Variants in ROR2 observed in about 807,000 individuals in gnomAD.
ROR2 encodes the protein tyrosine-protein kinase transmembrane receptor ROR2.
A neutral mutation model predicts 74.9 loss-of-function variants in ROR2; 33 were observed. The observed-to-expected ratio is 0.44, with a 90% confidence interval of 0.33 to 0.59. The LOEUF is 0.59. Among genes scored for constraint, ROR2 ranks in the 20% least tolerant of loss-of-function variants. The pLI, the probability that ROR2 is intolerant of heterozygous loss-of-function variation, is 0.02. For missense variants in ROR2, 1,216 were observed against 1,313.8 expected (o/e 0.93, Z 1.15); for synonymous variants, 586 against 558.7 (o/e 1.05, Z -0.69).
chr9:91,736,283 C>A (rs1337246046), intron 5 of ROR2, among the ~76,000 whole-genome samples: 1 of 152,196 alleles, frequency 6.6e-6, no homozygotes, highest in Non-Finnish European at 1.5e-5. Context: ...GCCAGGCAGT[C>A]TCTTCTGTGA....
chr9:91,776,925 A>T (rs1348260163), intron 1 of ROR2, among the ~76,000 whole-genome samples: 1 of 152,230 alleles, frequency 6.6e-6, no homozygotes, highest in Admixed American at 6.5e-5. Context: ...TCACTAGCCC[A>T]ATTTCCCTGT....
intron 1 of ROR2, chr9:91,886,996 C>G (rs1303091019): frequency 6.6e-6 from 1 of 152,130 alleles, no homozygotes; most frequent in Non-Finnish European, 1.5e-5. Context: ...TTCAAAAATC[C>G]CGAGTGAGGC....
intron 1 of ROR2, among the ~76,000 whole-genome samples, chr9:91,828,217 G>A (rs73651563): frequency 1.3e-5 from 2 of 152,228 alleles, no homozygotes; most frequent in African/African-American, 2.4e-5. Flanking sequence ...AAGTTTTTAG[G>A]TAACTTCAAC....
At chr9:91,734,358 G>A (rs560920793) in intron 5 of ROR2, among the ~76,000 whole-genome samples, 3 of 152,234 alleles carry the variant, frequency 2.0e-5, no homozygotes, top group Admixed American at 6.5e-5. Context: ...ACACCCAGCA[G>A]AGGCTGTGTC....
At chr9:91,900,194 C>T (rs1462172282) in intron 1 of ROR2, among the ~76,000 whole-genome samples, 1 of 152,102 alleles carries the variant, frequency 6.6e-6, no homozygotes, top group East Asian at 1.9e-4. Flanking sequence ...CAGGATGCAG[C>T]GGGTCCCCCA....
At chr9:91,906,480 G>C (rs1052747559) in intron 1 of ROR2, among the ~76,000 whole-genome samples, 8 of 152,162 alleles carry the variant, frequency 5.3e-5, no homozygotes, top group African/African-American at 1.9e-4. Context: ...GTCCACTGCA[G>C]GTAGAGTCTT....
intron 1 of ROR2, among the ~76,000 whole-genome samples, chr9:91,849,044 T>C (rs987055892): frequency 2.0e-5 from 3 of 152,128 alleles, no homozygotes; most frequent in East Asian, 1.9e-4. Context: ...CCACCCTCCA[T>C]CATCCCATCC....
At chr9:91,731,417 A>T (rs1340202759) in intron 6 of ROR2, among the ~76,000 whole-genome samples, 1 of 152,138 alleles carries the variant, frequency 6.6e-6, no homozygotes. Context: ...AGGCACCTGC[A>T]CACCACCACC....
At chr9:91,801,008 C>T (rs981831826) in intron 1 of ROR2, among the ~76,000 whole-genome samples, 15 of 152,124 alleles carry the variant, frequency 9.9e-5, no homozygotes, top group East Asian at 3.9e-4. Flanking sequence ...AGGAAGGGCC[C>T]CTGGGAACTC....
intron 1 of ROR2, among the ~76,000 whole-genome samples, chr9:91,783,850 C>T (rs1826705414): frequency 1.3e-5 from 2 of 152,190 alleles, no homozygotes; most frequent in East Asian, 1.9e-4. Flanking sequence ...AACCTCCCCA[C>T]TCCACTGCCC....
At chr9:91,903,732 A>C (rs1339884026) in intron 1 of ROR2, among the ~76,000 whole-genome samples, 1 of 152,196 alleles carries the variant, frequency 6.6e-6, no homozygotes, top group Admixed American at 6.5e-5. Context: ...GTAGACAAAG[A>C]GGAACAAAAA....
At chr9:91,782,900 C>G (rs897930483) in intron 1 of ROR2, among the ~76,000 whole-genome samples, 1 of 152,222 alleles carries the variant, frequency 6.6e-6, no homozygotes, top group African/African-American at 2.4e-5. Flanking sequence ...TTTAAGGCAG[C>G]TTCTGTGTTG....
intron 1 of ROR2, among the ~76,000 whole-genome samples, chr9:91,810,083 C>G (rs1827694624): frequency 6.6e-6 from 1 of 152,290 alleles, no homozygotes; most frequent in Non-Finnish European, 1.5e-5. Flanking sequence ...CAGGGCAAGA[C>G]AGCAGGCACA....
At chr9:91,836,250 C>T (rs75203397) in intron 1 of ROR2, among the ~76,000 whole-genome samples, 2,999 of 152,168 alleles carry the variant, frequency 0.02, 224 homozygotes, top group Admixed American at 0.14. Context: ...AATTATTAAT[C>T]CAGTCTGGAC....
At chr9:91,917,848 A>G (rs59195968) in intron 1 of ROR2, among the ~76,000 whole-genome samples, 21,499 of 152,184 alleles carry the variant, frequency 0.14, 3,344 homozygotes, top group African/African-American at 0.39. Context: ...AGCTCACCCA[A>G]TGACACCTGG....
At chr9:91,831,020 G>C (rs1316501581) in intron 1 of ROR2, among the ~76,000 whole-genome samples, 4 of 152,134 alleles carry the variant, frequency 2.6e-5, no homozygotes, top group African/African-American at 7.2e-5. Context: ...CCAGCACTTT[G>C]GGAGGCTGAG....
intron 4 of ROR2, among the ~76,000 whole-genome samples, chr9:91,747,006 C>T (rs2118790278): frequency 6.6e-6 from 1 of 152,254 alleles, no homozygotes; most frequent in East Asian, 1.9e-4. Flanking sequence ...CACCCCACCA[C>T]TTCCCTCCCA....
intron 1 of ROR2, among the ~76,000 whole-genome samples, chr9:91,807,844 G>A (rs541849318): frequency 1.1e-4 from 17 of 152,248 alleles, no homozygotes; most frequent in Non-Finnish European, 2.1e-4. Flanking sequence ...TGAGATCACT[G>A]TACACTATGA....
At chr9:91,917,877 T>C (rs867362593) in intron 1 of ROR2, among the ~76,000 whole-genome samples, 3 of 152,130 alleles carry the variant, frequency 2.0e-5, no homozygotes, top group Admixed American at 6.5e-5. Flanking sequence ...CAGAGCTGGA[T>C]AGTGAGGCAG....
Sources: allele counts gnomAD v4.1 joint callset (sites outside exome capture counted in the v4.1 genomes callset), GRCh38; gene constraint gnomAD v4.1.1; transcripts MANE v1.5; gene names NCBI Gene and HGNC (gene_info 2026-07-23, HGNC 2026-07-21).